DNAAF6: variants seen among roughly 807,000 people sequenced by gnomAD.
DNAAF6 encodes the protein dynein axonemal assembly factor 6.
Under a neutral mutation model 13.7 loss-of-function variants are expected in DNAAF6, and 3 were observed. The observed-to-expected ratio is 0.22, with a 90% confidence interval of 0.10 to 0.56. The LOEUF is 0.56. Among genes scored for constraint, DNAAF6 ranks in the 20% least tolerant of loss-of-function variants. The pLI is 0.92. For missense variants in DNAAF6, 130 were observed against 151.0 expected, an observed-to-expected ratio of 0.86 and a Z score of 0.73; for synonymous variants, 54 against 49.2, an observed-to-expected ratio of 1.10 and a Z score of -0.41.
In DNAAF6 at chrX:107,213,114, G is replaced by A. The variant is rs1332728200; in HGVS notation, c.153+86G>A. 3.1e-6 allele frequency: 3 copies of A among 961,305 alleles called. No homozygotes were observed. In the Admixed American group the frequency reaches 1.0e-4, roughly 33 times the overall value. 79.2% of individuals were successfully genotyped at this position (961,305 alleles called of 1,213,427 possible). On this transcript the variant is annotated intron_variant, in intron 2 of 6. Coordinates refer to ENST00000372453, the MANE Select transcript of DNAAF6 (RefSeq NM_173494.2). The stretch of plus-strand genomic sequence containing the variant: ...GAATAACCTGTTCCCACCTAGCTGT[G>A]GGAACAGAGCTGTGTCATTTGATAC...
intron 5 of DNAAF6, among the ~76,000 whole-genome samples, chrX:107,228,141 G>A (rs1928296803): frequency 9.0e-6 from 1 of 111,674 alleles, no homozygotes; most frequent in Non-Finnish European, 1.9e-5. Context: ...GAGGAACTGA[G>A]AAGGATATTC....
chrX:107,218,430 T>G (rs188315467), intron 3 of DNAAF6, among the ~76,000 whole-genome samples: 5 of 111,736 alleles, frequency 4.5e-5, no homozygotes, highest in Non-Finnish European at 7.5e-5. Flanking sequence ...TCAGATTGAT[T>G]GTAGTTGTAA....
At chrX:107,210,718 T>C (rs939491928) in intron 1 of DNAAF6, among the ~76,000 whole-genome samples, 3 of 111,617 alleles carry the variant, frequency 2.7e-5, no homozygotes, top group Non-Finnish European at 5.6e-5. Flanking sequence ...TCAGCCACCA[T>C]ACCCGGCCAG....
intron 5 of DNAAF6, among the ~76,000 whole-genome samples, chrX:107,228,685 A>G (rs1433282575): frequency 9.0e-6 from 1 of 111,123 alleles, no homozygotes; most frequent in Non-Finnish European, 1.9e-5. Flanking sequence ...GCTTGATCTC[A>G]GTTCACTGCA....
At chrX:107,234,865 T>G (rs1220136952) in intron 5 of DNAAF6, among the ~76,000 whole-genome samples, 1 of 112,128 alleles carries the variant, frequency 8.9e-6, no homozygotes, top group African/African-American at 3.2e-5. Flanking sequence ...TCTTATAATA[T>G]AATTGTAGAC....
At position 107,215,032 on chromosome X, in the gene DNAAF6, A is replaced by G. The variant is rs1366853135; in HGVS notation, c.154-1639A>G. 9.9e-5 allele frequency among the ~76,000 whole-genome samples: 11 copies of G among 111,481 alleles called. No individual in the cohort carries two copies. In the East Asian group the frequency reaches 2.8e-3, roughly 28 times the overall value. On this transcript the variant is annotated intron_variant, in intron 2 of 6. Transcript: ENST00000372453. ...TTATAACGAGGATGTTCTGTCTTAC[A>G]TATTACAAAGTGGCATGAATTGCAG...
chrX:107,217,939 G>T (rs1301532674), intron 3 of DNAAF6, among the ~76,000 whole-genome samples: 1 of 112,247 alleles, frequency 8.9e-6, no homozygotes, highest in African/African-American at 3.2e-5. Context: ...GATAATGTAG[G>T]TCTAATAATC....
intron 2 of DNAAF6, among the ~76,000 whole-genome samples, chrX:107,215,139 T>C (rs890521193): frequency 2.2e-4 from 25 of 111,733 alleles, no homozygotes; most frequent in African/African-American, 8.1e-4. Flanking sequence ...TGCCAGATGG[T>C]TTTTAATGTT....
chrX:107,219,979 A>G (rs1330479512), intron 4 of DNAAF6, among the ~76,000 whole-genome samples: 1 of 110,713 alleles, frequency 9.0e-6, no homozygotes, highest in Non-Finnish European at 1.9e-5. Context: ...TTGTATTTTT[A>G]GTAGAGACGG....
chrX:107,219,015 T>C, intron 4 of DNAAF6, 46 bp downstream of exon 4: 1 of 1,109,753 alleles, frequency 9.0e-7, no homozygotes, highest in Non-Finnish European at 1.2e-6. Context: ...TTAAGTTAGC[T>C]GTGTCATCTG....
At chrX:107,218,452 A>G (rs908550252) in intron 3 of DNAAF6, among the ~76,000 whole-genome samples, 1 of 111,394 alleles carries the variant, frequency 9.0e-6, no homozygotes, top group African/African-American at 3.2e-5. Flanking sequence ...TTTTTCTTTT[A>G]TATAAAAATA....
intron 4 of DNAAF6, among the ~76,000 whole-genome samples, chrX:107,221,084 G>A (rs948446744): frequency 4.6e-5 from 5 of 109,168 alleles, no homozygotes; most frequent in Non-Finnish European, 9.5e-5. Flanking sequence ...CGATTCTCCT[G>A]CCTCAGCCTC....
At chrX:107,222,623 C>T in intron 4 of DNAAF6, 122 bp from the exon 5 acceptor site, 1 of 896,735 alleles carries the variant, frequency 1.1e-6, no homozygotes, top group Non-Finnish European at 1.5e-6. Flanking sequence ...CCTGCAAGCA[C>T]TTTATTTGTT....
chrX:107,236,192 T>C (rs1289306935), intron 5 of DNAAF6, among the ~76,000 whole-genome samples: 1 of 112,012 alleles, frequency 8.9e-6, no homozygotes, highest in African/African-American at 3.2e-5. Context: ...CTAAGTTTGA[T>C]TCCAAAGGTT....
chrX:107,229,396 G>C (rs1349358235), intron 5 of DNAAF6, among the ~76,000 whole-genome samples: 1 of 108,717 alleles, frequency 9.2e-6, no homozygotes, highest in Non-Finnish European at 1.9e-5. Flanking sequence ...AAAGTGCTGA[G>C]ATTACAGGCA....
At chrX:107,207,945 C>G (rs953138326) in intron 1 of DNAAF6, among the ~76,000 whole-genome samples, 2 of 110,433 alleles carry the variant, frequency 1.8e-5, no homozygotes, top group African/African-American at 6.6e-5. Context: ...TCATACTCCA[C>G]CTGTATCTAA....
chrX:107,230,460 A>C, intron 5 of DNAAF6, among the ~76,000 whole-genome samples: 1 of 111,693 alleles, frequency 9.0e-6, no homozygotes, highest in South Asian at 3.8e-4. Context: ...AGGCGGGTGG[A>C]TCACCTGAGA....
intron 2 of DNAAF6, 124 bp from the exon 3 acceptor site, chrX:107,216,547 G>A: frequency 5.0e-6 from 2 of 401,664 alleles, no homozygotes; most frequent in Non-Finnish European, 8.5e-6. Context: ...AACAATGATG[G>A]GTAATTAAAG....
intron 5 of DNAAF6, among the ~76,000 whole-genome samples, chrX:107,224,823 C>T (rs1218514897): frequency 2.7e-5 from 3 of 109,100 alleles, no homozygotes; most frequent in African/African-American, 1.0e-4. Flanking sequence ...TGATACAAAC[C>T]CACCCCATTT....
Sources: gnomAD v4.1 joint callset for allele counts (sites outside exome capture counted in the v4.1 genomes callset) on GRCh38, gnomAD v4.1.1 for gene constraint, MANE v1.5 for transcripts, NCBI Gene and HGNC (gene_info 2026-07-23, HGNC 2026-07-21) for gene names.